The following GRIK3 variants were observed in gnomAD, a reference collection of about 807,000 sequenced individuals.
GRIK3 encodes glutamate ionotropic receptor kainate type subunit 3, also known as glutamate receptor ionotropic, kainate 3.
Under a neutral mutation model 102.5 loss-of-function variants are expected in GRIK3, and 29 were observed. That is an observed-to-expected ratio of 0.28 (90% CI 0.21 to 0.39). The LOEUF (loss-of-function observed/expected upper bound fraction) is 0.39. Ranked by LOEUF, GRIK3 falls within the 10% of genes least tolerant of loss-of-function variation. GRIK3 has a pLI of 1.00. For missense variants in GRIK3, 908 were observed against 1,252.4 expected (o/e 0.73, Z 4.15); for synonymous variants, 511 against 504.9 (o/e 1.01, Z -0.16).
chr1:37,025,894 C>T (rs907305976), intron 1 of GRIK3, among the ~76,000 whole-genome samples: 4 of 152,130 alleles, frequency 2.6e-5, no homozygotes, highest in African/African-American at 9.7e-5. Context: ...GAGTTGAAAC[C>T]ACCACTCCCC....
chr1:36,896,917 T>C (rs1356150084), intron 1 of GRIK3, among the ~76,000 whole-genome samples: 1 of 152,180 alleles, frequency 6.6e-6, no homozygotes, highest in African/African-American at 2.4e-5. Context: ...TCTGAATCAA[T>C]GCAGAAGCAG....
chr1:36,903,155 T>G (rs1361401226), intron 1 of GRIK3, among the ~76,000 whole-genome samples: 1 of 152,056 alleles, frequency 6.6e-6, no homozygotes, highest in Non-Finnish European at 1.5e-5. Context: ...ACAAACAACC[T>G]TATTAAAAAG....
intron 13 of GRIK3, among the ~76,000 whole-genome samples, chr1:36,812,077 T>C (rs1406354932): frequency 6.6e-6 from 1 of 152,010 alleles, no homozygotes; most frequent in Non-Finnish European, 1.5e-5. Context: ...GCTAAGACTG[T>C]ATGTGAGAGA....
At chr1:36,869,722 C>A in intron 5 of GRIK3, 26 bp downstream of exon 5, 2 of 1,562,168 alleles carry the variant, frequency 1.3e-6, no homozygotes, top group Non-Finnish European at 1.8e-6. Flanking sequence ...ACCCCTTTCC[C>A]GTGCCAGGAC....
At chr1:36,867,834 G>A (rs184168747) in intron 5 of GRIK3, among the ~76,000 whole-genome samples, 97 of 152,204 alleles carry the variant, frequency 6.4e-4, no homozygotes, top group Admixed American at 4.1e-3. Context: ...AGTCCCAGCC[G>A]TAAATATCCT....
intron 1 of GRIK3, among the ~76,000 whole-genome samples, chr1:36,961,409 A>T (rs1380593919): frequency 2.0e-5 from 3 of 151,592 alleles, no homozygotes; most frequent in African/African-American, 7.3e-5. Context: ...AGGAAAAAAA[A>T]GCAGAAGAGA....
At chr1:37,006,460 A>G (rs1642534251) in intron 1 of GRIK3, among the ~76,000 whole-genome samples, 1 of 152,284 alleles carries the variant, frequency 6.6e-6, no homozygotes, top group South Asian at 2.1e-4. Context: ...AAATCATGCC[A>G]GCCAGGCTGA....
chr1:36,968,136 C>T (rs891526457), intron 1 of GRIK3, among the ~76,000 whole-genome samples: 1 of 152,202 alleles, frequency 6.6e-6, no homozygotes, highest in Non-Finnish European at 1.5e-5. Flanking sequence ...TCCCTGGAAG[C>T]TTTTACCATG....
intron 1 of GRIK3, among the ~76,000 whole-genome samples, chr1:36,906,265 C>T (rs1405387384): frequency 6.6e-6 from 1 of 152,188 alleles, no homozygotes; most frequent in Non-Finnish European, 1.5e-5. Context: ...CAGTGACAGC[C>T]ATGCTTCAGT....
At chr1:36,877,076 A>C (rs1640919111) in intron 3 of GRIK3, among the ~76,000 whole-genome samples, 2 of 152,224 alleles carry the variant, frequency 1.3e-5, no homozygotes, top group African/African-American at 4.8e-5. Flanking sequence ...ATCAGAGCTG[A>C]GAATGAAGTG....
chr1:36,939,215 A>C (rs1402362456), intron 1 of GRIK3, among the ~76,000 whole-genome samples: 1 of 152,258 alleles, frequency 6.6e-6, no homozygotes, highest in Non-Finnish European at 1.5e-5. Flanking sequence ...GTGCCCCCAG[A>C]GGGAGCGGGG....
intron 1 of GRIK3, among the ~76,000 whole-genome samples, chr1:37,006,733 G>A (rs1273199230): frequency 1.3e-5 from 2 of 152,222 alleles, no homozygotes; most frequent in Non-Finnish European, 2.9e-5. Context: ...GGGAGGTGGG[G>A]CAATCAAGAC....
chr1:36,867,056 A>G (rs1237192430), intron 5 of GRIK3, among the ~76,000 whole-genome samples: 1 of 152,228 alleles, frequency 6.6e-6, no homozygotes, highest in Admixed American at 6.5e-5. Flanking sequence ...TGCCTAGTGC[A>G]GTGCCCAGGA....
chr1:36,979,544 G>A (rs1031717191), intron 1 of GRIK3, among the ~76,000 whole-genome samples: 9 of 152,240 alleles, frequency 5.9e-5, no homozygotes, highest in African/African-American at 2.2e-4. Context: ...TGGAGATCAG[G>A]TTTTGTATCA....
In GRIK3 at chr1:36,887,042, A is replaced by G. The variant is rs74064801; in HGVS notation, c.292+3878T>C. ...TCTAACTTTTGATTATTACCATTAAAGTGGCTAGAAACATCGTTATAGGCA... is the reference window on the plus strand; with the variant it reads ...TCTAACTTTTGATTATTACCATTAAGGTGGCTAGAAACATCGTTATAGGCA... On this transcript the variant is annotated intron_variant, in intron 2 of 15. Coordinates refer to ENST00000373091, the MANE Select transcript of GRIK3 (RefSeq NM_000831.4). Among the ~76,000 whole-genome samples, 444 of 152,342 alleles carry G rather than the reference A, an allele frequency of 2.9e-3. 1 individual carries two copies. Among genetic ancestry groups the G allele is most frequent in the African/African-American group, 0.01 (429 of 41,578 alleles).
intron 9 of GRIK3, among the ~76,000 whole-genome samples, chr1:36,846,656 T>C (rs1297746484): frequency 6.6e-6 from 1 of 151,998 alleles, no homozygotes. Context: ...TGGGGTTGGA[T>C]TTTCAGCCAC....
At chr1:36,905,493 A>G (rs1641276250) in intron 1 of GRIK3, among the ~76,000 whole-genome samples, 1 of 149,898 alleles carries the variant, frequency 6.7e-6, no homozygotes, top group Non-Finnish European at 1.5e-5. Flanking sequence ...CTTTGGTAAT[A>G]AGAAAAAAAA....
intron 5 of GRIK3, among the ~76,000 whole-genome samples, chr1:36,863,799 G>T (rs1417080899): frequency 2.0e-5 from 3 of 152,142 alleles, no homozygotes; most frequent in Non-Finnish European, 4.4e-5. Flanking sequence ...GTCTGGGTCT[G>T]TCTCCCCTAT....
chr1:36,989,321 T>A (rs1642340194), intron 1 of GRIK3, among the ~76,000 whole-genome samples: 1 of 152,148 alleles, frequency 6.6e-6, no homozygotes, highest in African/African-American at 2.4e-5. Context: ...GACACCCAAG[T>A]GCCAGTGCTT....
Sources: allele counts gnomAD v4.1 joint callset (sites outside exome capture counted in the v4.1 genomes callset), GRCh38; gene constraint gnomAD v4.1.1; transcripts MANE v1.5; gene names NCBI Gene and HGNC (gene_info 2026-07-23, HGNC 2026-07-21).